KLHL1: variants seen among roughly 807,000 people sequenced by gnomAD.
KLHL1 encodes kelch-like protein 1.
A neutral mutation model predicts 77.7 loss-of-function variants in KLHL1; 47 were observed. The observed-to-expected ratio is 0.60, with a 90% CI of 0.48 to 0.77. KLHL1 has a LOEUF of 0.77. KLHL1 is among the 30% of genes least tolerant of loss of function. The pLI, the probability that KLHL1 is intolerant of heterozygous loss-of-function variation, is 0.00. For synonymous variants in KLHL1, 360 were observed against 325.2 expected (o/e 1.11, Z -1.15); for missense variants, 925 against 910.8 (o/e 1.02, Z -0.20).
At chr13:69,939,890 A>G (rs1883313707) in intron 4 of KLHL1, 150 bp downstream of exon 4, 1 of 476,652 alleles carries the variant, frequency 2.1e-6, no homozygotes. Context: ...AAAATACATT[A>G]TGGTACGCTA....
chr13:69,741,990 T>G (rs1175132171), intron 7 of KLHL1, among the ~76,000 whole-genome samples: 1 of 152,164 alleles, frequency 6.6e-6, no homozygotes, highest in Non-Finnish European at 1.5e-5. Flanking sequence ...AGATCGCTTA[T>G]GATCCACCTA....
intron 4 of KLHL1, among the ~76,000 whole-genome samples, chr13:69,897,955 C>T (rs1881707802): frequency 6.6e-6 from 1 of 152,154 alleles, no homozygotes; most frequent in Admixed American, 6.5e-5. Flanking sequence ...TCAACATAAC[C>T]CAAGTTTCAA....
chr13:69,823,119 C>T (rs34785152), intron 6 of KLHL1, among the ~76,000 whole-genome samples: 34,917 of 151,968 alleles, frequency 0.23, 5,394 homozygotes, highest in African/African-American at 0.44. Flanking sequence ...AGATGAATAA[C>T]ATATGTCATA....
chr13:69,939,365 A>ACATATACATAC (rs1293790795), intron 4 of KLHL1, among the ~76,000 whole-genome samples: 2 of 99,544 alleles, frequency 2.0e-5, no homozygotes, highest in African/African-American at 8.0e-5. Flanking sequence ...ATATATATAT[A>ACATATACATAC]TATATATATA....
At chr13:70,068,679 G>T (rs983843306) in intron 1 of KLHL1, among the ~76,000 whole-genome samples, 6 of 152,112 alleles carry the variant, frequency 3.9e-5, no homozygotes, top group Admixed American at 3.3e-4. Flanking sequence ...AATCGCTTGT[G>T]GCTTTATGTT....
chr13:69,896,945 C>T (rs1325310862), intron 4 of KLHL1, among the ~76,000 whole-genome samples: 1 of 152,094 alleles, frequency 6.6e-6, no homozygotes, highest in Non-Finnish European at 1.5e-5. Flanking sequence ...GCCGGGATTA[C>T]AGGTGTGAGC....
chr13:69,892,228 T>G (rs1055589175), intron 4 of KLHL1, among the ~76,000 whole-genome samples: 1 of 152,160 alleles, frequency 6.6e-6, no homozygotes. Context: ...ACAATCTTTA[T>G]AAAAGCCATA....
At chr13:69,913,058 C>T (rs1171790759) in intron 4 of KLHL1, among the ~76,000 whole-genome samples, 1 of 152,182 alleles carries the variant, frequency 6.6e-6, no homozygotes, top group Non-Finnish European at 1.5e-5. Context: ...GGGGATAATG[C>T]ACTCCACAAA....
At chr13:69,868,016 CAAAAT>C (rs1566345142) in intron 5 of KLHL1, among the ~76,000 whole-genome samples, 1 of 144,284 alleles carries the variant, frequency 6.9e-6, no homozygotes, top group Non-Finnish European at 1.5e-5. Context: ...AAACAAAAAA[CAAAAT>C]AATAAGTTTT....
chr13:69,855,698 G>GT (rs1257179697), intron 5 of KLHL1, among the ~76,000 whole-genome samples: 3 of 151,382 alleles, frequency 2.0e-5, no homozygotes, highest in Non-Finnish European at 2.9e-5. Context: ...CGCCGTGATT[G>GT]TAAGTTTCCT....
intron 6 of KLHL1, among the ~76,000 whole-genome samples, chr13:69,835,833 A>T (rs942692274): frequency 4.0e-5 from 6 of 151,782 alleles, no homozygotes; most frequent in African/African-American, 1.2e-4. Flanking sequence ...GAAAAAAAAT[A>T]AGTGAAGAAC....
intron 5 of KLHL1, among the ~76,000 whole-genome samples, chr13:69,865,898 A>G (rs1880349271): frequency 6.6e-6 from 1 of 152,166 alleles, no homozygotes; most frequent in Non-Finnish European, 1.5e-5. Flanking sequence ...TAATTTATTT[A>G]TCTGCCCAAT....
intron 7 of KLHL1, among the ~76,000 whole-genome samples, chr13:69,781,273 CTTTTTTTCTTTCTT>C (rs1408023043): frequency 7.1e-6 from 1 of 140,294 alleles, no homozygotes; most frequent in Non-Finnish European, 1.5e-5. Flanking sequence ...TGAGAGACTC[CTTTTTTTCTTTCTT>C]TTTTTTTTTT....
chr13:70,092,558 TTTAA>T (rs1281222115), intron 1 of KLHL1, among the ~76,000 whole-genome samples: 6 of 152,186 alleles, frequency 3.9e-5, no homozygotes, highest in Admixed American at 3.3e-4. Flanking sequence ...AGATACAAAG[TTTAA>T]TTAATGAAAA....
chr13:69,734,962 G>A (rs1292794013), intron 8 of KLHL1, among the ~76,000 whole-genome samples: 2 of 152,014 alleles, frequency 1.3e-5, no homozygotes, highest in African/African-American at 4.8e-5. Flanking sequence ...ATATCATAAT[G>A]AAGAATGTTG....
chr13:69,857,031 C>A (rs1370426147), intron 5 of KLHL1, among the ~76,000 whole-genome samples: 1 of 152,136 alleles, frequency 6.6e-6, no homozygotes, highest in South Asian at 2.1e-4. Context: ...ATGGCTCCTC[C>A]AATGAACAAT....
intron 7 of KLHL1, among the ~76,000 whole-genome samples, chr13:69,760,516 C>T (rs781666792): frequency 7.2e-5 from 11 of 151,848 alleles, no homozygotes; most frequent in Non-Finnish European, 1.5e-4. Context: ...CCACCACACC[C>T]GGCTAATTTT....
chr13:70,022,742 T>TGCTACCA (rs1314699003), intron 1 of KLHL1, among the ~76,000 whole-genome samples: 1 of 151,954 alleles, frequency 6.6e-6, no homozygotes, highest in Non-Finnish European at 1.5e-5. Context: ...CTATTTTACA[T>TGCTACCA]GCTACCATCT....
At chr13:69,767,235 T>C (rs1875349079) in intron 7 of KLHL1, among the ~76,000 whole-genome samples, 1 of 152,228 alleles carries the variant, frequency 6.6e-6, no homozygotes, top group Non-Finnish European at 1.5e-5. Flanking sequence ...CAAAATATAT[T>C]TTAACTGATG....
Sources: gnomAD v4.1 joint callset for allele counts (sites outside exome capture counted in the v4.1 genomes callset) on GRCh38, gnomAD v4.1.1 for gene constraint, MANE v1.5 for transcripts, NCBI Gene and HGNC (gene_info 2026-07-23, HGNC 2026-07-21) for gene names.